ARHGEF18: variants seen among roughly 807,000 people sequenced by gnomAD.
ARHGEF18 encodes rho guanine nucleotide exchange factor 18.
ARHGEF18 carries 93 observed loss-of-function variants against 155.7 expected under a neutral mutation model. The observed-to-expected ratio is 0.60, with a 90% CI of 0.50 to 0.71. ARHGEF18 has a LOEUF of 0.71. Among genes scored for constraint, ARHGEF18 ranks in the 30% least tolerant of loss-of-function variants. The pLI, the probability that ARHGEF18 is intolerant of heterozygous loss-of-function variation, is 0.00. For missense variants in ARHGEF18, 1,593 were observed against 1,816.1 expected (o/e 0.88, Z 2.23); for synonymous variants, 742 against 753.1 (o/e 0.99, Z 0.24).
chr19:7,371,678 G>A (rs1475358681), intron 2 of ARHGEF18, among the ~76,000 whole-genome samples: 3 of 151,896 alleles, frequency 2.0e-5, no homozygotes, highest in South Asian at 2.1e-4. Flanking sequence ...AAAATTAGCC[G>A]GACATAATGG....
chr19:7,425,697 AG>A (rs773533115), intron 10 of ARHGEF18, among the ~76,000 whole-genome samples: 1 of 149,704 alleles, frequency 6.7e-6, no homozygotes, highest in Non-Finnish European at 1.5e-5. Context: ...AAAAAAAAAA[AG>A]CTTATTAAGA....
In ARHGEF18 at chr19:7,462,582, C is replaced by T. The variant is rs147449348; in HGVS notation, c.2635+248C>T. Among the ~76,000 whole-genome samples, 26 of 152,334 alleles carry T rather than the reference C, an allele frequency of 1.7e-4. No individual in the cohort carries two copies. The highest frequency in any genetic ancestry group is 3.4e-4 in the Non-Finnish European group (23 of 68,024). ...AAGCACTTTCTCCCCGTTCAACAACCGCTCTGATGCTCCCTGCATGCAGAG... is the reference window on the plus strand; with the variant it reads ...AAGCACTTTCTCCCCGTTCAACAACTGCTCTGATGCTCCCTGCATGCAGAG... On this transcript the variant is annotated intron_variant, in intron 21 of 28. Transcript: ENST00000668164. This position sits in a 1 kb window ranked among gnomAD's most constrained non-coding sequence, Gnocchi z 4.4.
At chr19:7,435,150 G>A (rs141544519) in intron 10 of ARHGEF18, among the ~76,000 whole-genome samples, 2 of 151,886 alleles carry the variant, frequency 1.3e-5, no homozygotes, top group African/African-American at 2.4e-5. Context: ...AGTGAGCCGA[G>A]ATCACCCTCA....
At chr19:7,381,304 G>C (rs933914126) in intron 8 of ARHGEF18, among the ~76,000 whole-genome samples, 1 of 152,170 alleles carries the variant, frequency 6.6e-6, no homozygotes, top group Non-Finnish European at 1.5e-5. Flanking sequence ...ATCGGAGTGG[G>C]GCTGGGAGGA....
the ARHGEF18 span, among the ~76,000 whole-genome samples, chr19:7,479,108 T>C: frequency 1.3e-5 from 2 of 152,192 alleles, no homozygotes; most frequent in East Asian, 3.8e-4. Context: ...GGATGCAGGA[T>C]AGCGCCAGTG....
At chr19:7,391,581 G>A (rs577530213) in intron 10 of ARHGEF18, among the ~76,000 whole-genome samples, 6 of 152,004 alleles carry the variant, frequency 3.9e-5, no homozygotes, top group East Asian at 1.9e-4. Flanking sequence ...CTCATCCAGC[G>A]CTGTTCCTGG....
At chr19:7,385,938 CCCT>C in intron 10 of ARHGEF18, among the ~76,000 whole-genome samples, 2 of 97,152 alleles carry the variant, frequency 2.1e-5, no homozygotes, top group African/African-American at 4.5e-5. Context: ...CTCTCTCTCC[CCCT>C]CTCCCTCTCT....
intron 10 of ARHGEF18, among the ~76,000 whole-genome samples, chr19:7,389,152 A>ATT (rs1285345338): frequency 5.9e-5 from 7 of 118,176 alleles, no homozygotes; most frequent in East Asian, 2.3e-4. Context: ...CACCAGGCTA[A>ATT]TTTTTTTTTT....
intron 15 of ARHGEF18, among the ~76,000 whole-genome samples, chr19:7,449,119 A>G (rs1975197976): frequency 6.6e-6 from 1 of 152,116 alleles, no homozygotes; most frequent in African/African-American, 2.4e-5. Context: ...GACTCTTGCA[A>G]ATCCCACAGC....
intron 10 of ARHGEF18, among the ~76,000 whole-genome samples, chr19:7,422,942 C>T (rs1973449748): frequency 6.6e-6 from 1 of 152,126 alleles, no homozygotes; most frequent in African/African-American, 2.4e-5. Context: ...TGATCTCAAA[C>T]TCCTGATCTC....
intron 11 of ARHGEF18, among the ~76,000 whole-genome samples, chr19:7,441,089 C>A (rs899707522): frequency 1.3e-5 from 2 of 151,772 alleles, no homozygotes; most frequent in Admixed American, 1.3e-4. Flanking sequence ...ATCCACACCC[C>A]GTTAGAACGT....
chr19:7,358,432 TCATC>T (rs993391817), intron 1 of ARHGEF18, among the ~76,000 whole-genome samples: 1 of 150,798 alleles, frequency 6.6e-6, no homozygotes, highest in African/African-American at 2.4e-5. Context: ...GTCCAACCAT[TCATC>T]CATCCACCTA....
At chr19:7,365,603 G>A (rs1386619931) in intron 2 of ARHGEF18, among the ~76,000 whole-genome samples, 1 of 152,192 alleles carries the variant, frequency 6.6e-6, no homozygotes, top group Non-Finnish European at 1.5e-5. Flanking sequence ...GGGAACGGTG[G>A]GCTCTGGGGA....
chr19:7,370,652 G>A (rs567977138), intron 2 of ARHGEF18, among the ~76,000 whole-genome samples: 9 of 152,208 alleles, frequency 5.9e-5, no homozygotes, highest in African/African-American at 2.2e-4. Context: ...ATTCACAAGA[G>A]CCAACAGATG....
At chr19:7,373,406 G>T (rs980575528) in intron 3 of ARHGEF18, among the ~76,000 whole-genome samples, 3 of 151,902 alleles carry the variant, frequency 2.0e-5, no homozygotes, top group Non-Finnish European at 4.4e-5. Flanking sequence ...TCCATTCTGG[G>T]GGTGATGGGA....
intron 26 of ARHGEF18, among the ~76,000 whole-genome samples, chr19:7,467,906 A>G (rs1199495843): frequency 2.9e-5 from 4 of 138,986 alleles, no homozygotes; most frequent in Admixed American, 2.1e-4. Flanking sequence ...ACATGCCATA[A>G]ATGTTAGAAA....
At position 7,467,242 on chromosome 19, in the gene ARHGEF18, T is replaced by G; in HGVS notation, c.3038T>G (p.Val1013Gly). 6.3e-7 allele frequency: 1 copy of G among 1,586,008 alleles called. No individual in the cohort carries two copies. Among genetic ancestry groups the G allele is most frequent in the Non-Finnish European group, 8.6e-7 (1 of 1,166,672 alleles). Reference protein sequence around the residue: ...QAVIAHQDSYVETQRAAIQER... With the variant: ...QAVIAHQDSYGETQRAAIQER... ...GTAATCGCCCACCAGGACAGCTATG[T>G]GGAGACGCAGCGGGCTGCCATCCAG... The change falls in exon 26 of 29, where the codon GTG becomes GGG. Residue 1013 changes from valine (V) to glycine (G), a missense_variant. Transcript: ENST00000668164.
rs111706888 is a variant in ARHGEF18, at chr19:7,469,971, G to C, written c.3855G>C (p.Arg1285=). 1 of 1,613,076 alleles carries C rather than the reference G, an allele frequency of 6.2e-7. No individual in the cohort carries two copies. The highest frequency in any genetic ancestry group is 8.5e-7 in the Non-Finnish European group (1 of 1,179,892). ...TGGGGAAAGATGAGAGCACCTCACG[G>C]AACCGCCGCTCGCTGAGCCCTATCC... The part of the protein sequence containing the change: ...KLMGKDESTS[R]NRRSLSPILP... The change falls in exon 28 of 29, where the codon CGG becomes CGC. Residue 1285 remains arginine, a synonymous_variant. Coordinates refer to ENST00000668164, the MANE Select transcript of ARHGEF18 (RefSeq NM_001367823.1).
chr19:7,457,906 A>C (rs1975947588), intron 18 of ARHGEF18, among the ~76,000 whole-genome samples: 1 of 152,264 alleles, frequency 6.6e-6, no homozygotes, highest in Admixed American at 6.5e-5. Context: ...TATATACTAC[A>C]TACCGTTGTA....
Sources: allele counts gnomAD v4.1 joint callset (sites outside exome capture counted in the v4.1 genomes callset), GRCh38; gene constraint gnomAD v4.1.1; non-coding constraint Gnocchi (gnomAD v3.1); transcripts MANE v1.5; gene names NCBI Gene and HGNC (gene_info 2026-07-23, HGNC 2026-07-21).